IDE: variants seen among roughly 807,000 people sequenced by gnomAD.
IDE encodes the protein insulin degrading enzyme.
IDE carries 58 observed loss-of-function variants against 133.2 expected under a neutral mutation model. That is an observed-to-expected ratio of 0.44 (90% CI 0.35 to 0.54). The LOEUF is 0.54. IDE is among the 20% of genes least tolerant of loss of function. The probability of loss-of-function intolerance (pLI) is 0.00; values close to 1 mark genes in which losing one functional copy is unlikely to be tolerated. For missense variants in IDE, 981 were observed against 1,234.0 expected, an observed-to-expected ratio of 0.79 and a Z score of 3.07; for synonymous variants, 396 against 421.3, an observed-to-expected ratio of 0.94 and a Z score of 0.73.
chr10:92,464,508 A>G (rs893419309), intron 20 of IDE, among the ~76,000 whole-genome samples: 6 of 152,180 alleles, frequency 3.9e-5, no homozygotes, highest in Non-Finnish European at 7.3e-5. Context: ...TCATACTTCC[A>G]TGTTATCTCA....
At chr10:92,470,618 C>T (rs918166416) in intron 17 of IDE, among the ~76,000 whole-genome samples, 1 of 152,036 alleles carries the variant, frequency 6.6e-6, no homozygotes, top group African/African-American at 2.4e-5. Flanking sequence ...CCCTCCATTA[C>T]ATTTAGCTGT....
In IDE at chr10:92,453,444, CT is replaced by C. The variant is rs1236895069; in HGVS notation, c.*999del. ...AGACCTGCTATATAAGAATGCAAGG[CT>C]TTACTTTTTATATTTCCAAAAAGGT... is the stretch of plus-strand genomic sequence containing the variant. On this transcript the variant is annotated 3_prime_UTR_variant, in exon 25 of 25. Coordinates refer to ENST00000265986, the MANE Select transcript of IDE (RefSeq NM_004969.4). 1.1e-4 allele frequency: 16 copies of C among 152,230 alleles called. No individual in the cohort carries two copies. The highest frequency in any genetic ancestry group is 3.8e-4 in the African/African-American group (16 of 41,560). 9.4% of individuals were successfully genotyped at this position (152,230 alleles called of 1,614,324 possible).
At chr10:92,560,529 T>C (rs977734426) in intron 1 of IDE, among the ~76,000 whole-genome samples, 3 of 152,118 alleles carry the variant, frequency 2.0e-5, no homozygotes, top group Admixed American at 2.0e-4. Context: ...ACACCTGTAA[T>C]CCCAGCACTT....
chr10:92,537,447 C>G lies in IDE; in HGVS notation c.202G>C (p.Glu68Gln), dbSNP rs375882742. ...PEDKREYRGLELANGIKVLLI... is the reference protein window; with the variant it reads ...PEDKREYRGLQLANGIKVLLI... ...AGTACTTTGATACCATTGGCCAGCT[C>G]TAGCCCTCGATATTCTCGCTTGTCT... Residue 68 changes from glutamate (E) to glutamine (Q), a missense_variant, in exon 2 of 25, where the codon GAG becomes CAG. Coordinates refer to ENST00000265986, the MANE Select transcript of IDE (RefSeq NM_004969.4). The G allele has an allele frequency of 1.2e-6, 2 of 1,614,120 alleles. No homozygotes were observed. The highest frequency in any genetic ancestry group is 1.3e-5 in the African/African-American group (1 of 75,070).
chr10:92,479,099 G>A (rs897885689), intron 15 of IDE, among the ~76,000 whole-genome samples, 178 bp downstream of exon 15: 6 of 151,570 alleles, frequency 4.0e-5, no homozygotes, highest in African/African-American at 1.5e-4. Flanking sequence ...TAATATGAAT[G>A]GTATGTAGTT....
chr10:92,535,821 A>C (rs1396438477), intron 2 of IDE, among the ~76,000 whole-genome samples: 1 of 152,166 alleles, frequency 6.6e-6, no homozygotes, highest in Non-Finnish European at 1.5e-5. Flanking sequence ...AGATCATCTG[A>C]GGTCGGGAGT....
At chr10:92,526,158 A>T (rs1849614651) in intron 4 of IDE, among the ~76,000 whole-genome samples, 1 of 151,966 alleles carries the variant, frequency 6.6e-6, no homozygotes, top group Non-Finnish European at 1.5e-5. Context: ...GTCTCAAAAA[A>T]AAAAAAAAAG....
chr10:92,525,216 G>C (rs183773347), intron 4 of IDE, among the ~76,000 whole-genome samples: 1 of 152,190 alleles, frequency 6.6e-6, no homozygotes, highest in African/African-American at 2.4e-5. Flanking sequence ...TTGCACCATT[G>C]CCCTCCAGCC....
At chr10:92,531,997 T>C in intron 3 of IDE, 80 bp from the exon 4 acceptor site, 2 of 1,007,320 alleles carry the variant, frequency 2.0e-6, no homozygotes, top group South Asian at 2.7e-5. Flanking sequence ...TTGGAACTTA[T>C]TAGATAGGAA....
chr10:92,478,273 G>A (rs1020617721), intron 15 of IDE, among the ~76,000 whole-genome samples: 1 of 152,162 alleles, frequency 6.6e-6, no homozygotes, highest in Non-Finnish European at 1.5e-5. Context: ...ACTGTCTGCA[G>A]AAATAAAGGG....
Position 92,474,844 on chromosome 10 carries a change from C to G in IDE, c.2113G>C (p.Asp705His). Residue 705 changes from aspartate (D) to histidine (H), a missense_variant, in exon 17 of 25, where the codon GAT becomes CAT. Coordinates refer to ENST00000265986, the MANE Select transcript of IDE (RefSeq NM_004969.4). ...WTKDELKEAL[D>H]DVTLPRLKAF... is the part of the protein sequence containing the mutation. ...AGCTTTAAGTAGAAAGTCTCACCAT[C>G]CAGAGCTTCTTTTAACTCATCTTTA... The G allele has an allele frequency of 6.2e-7, 1 of 1,609,514 alleles. No homozygotes were observed. The highest frequency in any genetic ancestry group is 8.5e-7 in the Non-Finnish European group (1 of 1,178,836).
intron 5 of IDE, 66 bp downstream of exon 5, chr10:92,514,854 C>T (rs925893596): frequency 1.5e-6 from 2 of 1,366,932 alleles, no homozygotes; most frequent in Non-Finnish European, 2.0e-6. Flanking sequence ...TCTTCTAACA[C>T]TGTGAAAAAG....
intron 4 of IDE, among the ~76,000 whole-genome samples, chr10:92,520,855 A>G (rs1849185199): frequency 6.6e-6 from 1 of 152,214 alleles, no homozygotes; most frequent in South Asian, 2.1e-4. Context: ...CCACAGACAC[A>G]TATCCCAGTA....
intron 4 of IDE, among the ~76,000 whole-genome samples, chr10:92,516,207 T>C (rs1848919839): frequency 6.7e-6 from 1 of 150,332 alleles, no homozygotes; most frequent in Admixed American, 6.7e-5. Context: ...AAAATTATAC[T>C]TCTTGGCTGG....
At chr10:92,540,482 T>C (rs1057162543) in intron 1 of IDE, among the ~76,000 whole-genome samples, 11 of 152,198 alleles carry the variant, frequency 7.2e-5, no homozygotes, top group Admixed American at 1.3e-4. Flanking sequence ...AAAACGGCAG[T>C]GTTAATAAGA....
rs780005131 is a variant in IDE, at chr10:92,470,305, G to A, written c.2157C>T (p.Leu719=). Residue 719 remains leucine (L), a synonymous_variant, in exon 18 of 25, where the codon CTC becomes CTT. Coordinates refer to ENST00000265986, the MANE Select transcript of IDE (RefSeq NM_004969.4). The stretch of plus-strand genomic sequence containing the variant: ...GGGCTTCAATGTGCAGCCGTGACAG[G>A]AGCTGAGGTATGAAGGCCTTAAGGC... ...LPRLKAFIPQ[L]LSRLHIEALL... is the part of the protein sequence containing the mutation. 5.6e-6 allele frequency: 9 copies of A among 1,605,940 alleles called. No individual in the cohort carries two copies. The highest frequency in any genetic ancestry group is 2.2e-5 in the South Asian group (2 of 89,496).
intron 1 of IDE, among the ~76,000 whole-genome samples, chr10:92,559,739 T>A (rs193303075): frequency 2.9e-3 from 144 of 49,124 alleles, no homozygotes; most frequent in Middle Eastern, 0.011. Flanking sequence ...AATGGTATAT[T>A]TTTTTTTTTT....
At chr10:92,493,614 CAG>C (rs1016276975) in intron 11 of IDE, among the ~76,000 whole-genome samples, 8 of 151,422 alleles carry the variant, frequency 5.3e-5, no homozygotes, top group African/African-American at 1.9e-4. Context: ...GGGAAAAAGG[CAG>C]ACTCATCAAG....
At chr10:92,479,178 AAAAAG>A in intron 15 of IDE, 94 bp downstream of exon 15, 1 of 846,530 alleles carries the variant, frequency 1.2e-6, no homozygotes, top group South Asian at 2.4e-5. Context: ...AGATTAAAAA[AAAAAG>A]AAATTAAACT....
Sources: allele counts gnomAD v4.1 joint callset (sites outside exome capture counted in the v4.1 genomes callset), GRCh38; gene constraint gnomAD v4.1.1; transcripts MANE v1.5; gene names NCBI Gene and HGNC (gene_info 2026-07-23, HGNC 2026-07-21).